PDE8B: variants seen among roughly 807,000 people sequenced by gnomAD.
The protein encoded by PDE8B is phosphodiesterase 8B.
Under a neutral mutation model 101.3 loss-of-function variants are expected in PDE8B, and 26 were observed. The observed-to-expected ratio is 0.26, with a 90% CI of 0.19 to 0.36. The LOEUF is 0.36. PDE8B is among the 10% of genes least tolerant of loss of function. PDE8B has a pLI of 1.00. For missense variants in PDE8B, 810 were observed against 1,163.1 expected (o/e 0.70, Z 4.42); for synonymous variants, 424 against 429.3 (o/e 0.99, Z 0.15).
At chr5:77,199,076 G>A in the PDE8B span, among the ~76,000 whole-genome samples, 3 of 152,162 alleles carry the variant, frequency 2.0e-5, no homozygotes, top group Non-Finnish European at 4.4e-5. Context: ...GAGTTTCTAA[G>A]TCCCTTATAG....
At chr5:77,232,800 C>T (rs950077912) in intron 1 of PDE8B, among the ~76,000 whole-genome samples, 1 of 152,146 alleles carries the variant, frequency 6.6e-6, no homozygotes, top group Non-Finnish European at 1.5e-5. Flanking sequence ...GAAGTGTTGT[C>T]ATGGAAACCA....
the PDE8B span, among the ~76,000 whole-genome samples, chr5:77,130,330 A>C: frequency 5.9e-5 from 9 of 152,140 alleles, no homozygotes; most frequent in Non-Finnish European, 2.9e-5. Flanking sequence ...TTAGATTAGA[A>C]ACATCCAATA....
chr5:77,108,631 C>T, the PDE8B span, among the ~76,000 whole-genome samples: 1 of 152,040 alleles, frequency 6.6e-6, no homozygotes. Context: ...TGCAGTGAGC[C>T]GAGATTGCGC....
the PDE8B span, chr5:77,140,589 A>G: frequency 4.6e-5 from 7 of 152,244 alleles, no homozygotes; most frequent in South Asian, 2.1e-4. Context: ...ATTGACTCCA[A>G]TAGGAATGGC....
chr5:77,220,522 A>C (rs1020448518), intron 1 of PDE8B, among the ~76,000 whole-genome samples: 1 of 152,234 alleles, frequency 6.6e-6, no homozygotes, highest in Non-Finnish European at 1.5e-5. Flanking sequence ...TTTTATATGC[A>C]GACTATATGA....
chr5:77,185,061 G>A, the PDE8B span, among the ~76,000 whole-genome samples: 1 of 152,132 alleles, frequency 6.6e-6, no homozygotes, highest in Non-Finnish European at 1.5e-5. Flanking sequence ...ACACCTGCTT[G>A]TAAATGCCTT....
At chr5:77,274,380 A>G (rs906439917) in intron 1 of PDE8B, among the ~76,000 whole-genome samples, 2 of 152,120 alleles carry the variant, frequency 1.3e-5, no homozygotes, top group Non-Finnish European at 2.9e-5. Flanking sequence ...AAAGCTTTCC[A>G]CTGCTTCCTG....
At chr5:77,302,645 G>T (rs1296244648) in intron 1 of PDE8B, among the ~76,000 whole-genome samples, 1 of 152,094 alleles carries the variant, frequency 6.6e-6, no homozygotes, top group African/African-American at 2.4e-5. Context: ...CTCATTTAAA[G>T]TCTCTTTGTA....
chr5:77,168,757 T>C, the PDE8B span, among the ~76,000 whole-genome samples: 5 of 152,282 alleles, frequency 3.3e-5, no homozygotes, highest in East Asian at 7.7e-4. Flanking sequence ...TTACTCCCCA[T>C]GGCTTCAGGT....
intron 17 of PDE8B, among the ~76,000 whole-genome samples, chr5:77,413,833 G>T: frequency 6.6e-6 from 1 of 152,002 alleles, no homozygotes; most frequent in East Asian, 1.9e-4. Flanking sequence ...ATATCCCTTA[G>T]TCTTACAGTT....
intron 1 of PDE8B, among the ~76,000 whole-genome samples, chr5:77,300,709 C>T (rs909000984): frequency 1.3e-5 from 2 of 152,196 alleles, no homozygotes; most frequent in African/African-American, 2.4e-5. Context: ...GGGCCTAAGG[C>T]CTTGGGGACC....
intron 1 of PDE8B, among the ~76,000 whole-genome samples, chr5:77,243,485 C>T (rs1325123764): frequency 6.6e-6 from 1 of 152,142 alleles, no homozygotes; most frequent in Admixed American, 6.5e-5. Flanking sequence ...CCTAAAAGAT[C>T]CCTAGCACCT....
chr5:77,173,832 C>A, the PDE8B span, among the ~76,000 whole-genome samples: 1 of 151,902 alleles, frequency 6.6e-6, no homozygotes, highest in Non-Finnish European at 1.5e-5. Context: ...GGTGGTGGTG[C>A]GTGGCATGCG....
Position 77,354,900 on chromosome 5 carries a change from G to A in PDE8B, c.1167+1494G>A, listed in dbSNP as rs192862336. Among the ~76,000 whole-genome samples, 31 of 152,304 alleles carry A rather than the reference G, an allele frequency of 2.0e-4. No individual in the cohort carries two copies. The East Asian group carries it at 2.1e-3, about 10-fold the overall frequency. On this transcript the variant is annotated intron_variant, in intron 10 of 21. Coordinates refer to ENST00000264917, the MANE Select transcript of PDE8B (RefSeq NM_003719.5). ...TATCACCTTCTTTCTGAAGGCCCCT[G>A]AGGTACCCTCTTTGCTTTGTATCAC... is the stretch of plus-strand genomic sequence containing the variant.
At chr5:77,201,388 C>T in the PDE8B span, among the ~76,000 whole-genome samples, 20 of 152,282 alleles carry the variant, frequency 1.3e-4, no homozygotes, top group South Asian at 3.5e-3. Flanking sequence ...TACCATTTCT[C>T]GTTCCAAGTA....
the PDE8B span, among the ~76,000 whole-genome samples, chr5:77,152,391 C>T: frequency 6.6e-6 from 1 of 152,184 alleles, no homozygotes; most frequent in Non-Finnish European, 1.5e-5. Flanking sequence ...GTAAGCAGCC[C>T]AGTGGGGTGC....
chr5:77,149,726 C>T, the PDE8B span, among the ~76,000 whole-genome samples: 2 of 152,098 alleles, frequency 1.3e-5, no homozygotes, highest in African/African-American at 2.4e-5. Context: ...TTGCTAAATT[C>T]TTCGATTAGT....
chr5:77,404,572 A>T (rs1199330105), intron 11 of PDE8B, 148 bp from the exon 12 acceptor site: 1 of 620,308 alleles, frequency 1.6e-6, no homozygotes, highest in Admixed American at 2.8e-5. Context: ...ATTTGAAAAG[A>T]AAGTGGTTGA....
chr5:77,382,016 T>C (rs1360803321), intron 10 of PDE8B, among the ~76,000 whole-genome samples: 1 of 152,194 alleles, frequency 6.6e-6, no homozygotes. Context: ...TTTCGTCTTG[T>C]TTATTTTCAT....
Sources: allele counts gnomAD v4.1 joint callset (sites outside exome capture counted in the v4.1 genomes callset), GRCh38; gene constraint gnomAD v4.1.1; transcripts MANE v1.5; gene names NCBI Gene and HGNC (gene_info 2026-07-23, HGNC 2026-07-21).